The following REEP5 variants were observed in gnomAD, a reference collection of about 807,000 sequenced individuals.
The protein encoded by REEP5 is receptor accessory protein 5.
A neutral mutation model predicts 22.4 loss-of-function variants in REEP5; 24 were observed. The observed-to-expected ratio is 1.07, with a 90% CI of 0.78 to 1.51. The LOEUF is 1.51. Ranked by LOEUF, REEP5 falls within the 40% of genes most tolerant of loss-of-function variation. The pLI is 0.00. For missense variants in REEP5, 252 were observed against 233.0 expected, an observed-to-expected ratio of 1.08 and a Z score of -0.53; for synonymous variants, 103 against 88.6, an observed-to-expected ratio of 1.16 and a Z score of -0.92.
intron 3 of REEP5, among the ~76,000 whole-genome samples, chr5:112,900,381 T>C (rs898481717): frequency 2.0e-5 from 3 of 152,232 alleles, no homozygotes; most frequent in Non-Finnish European, 4.4e-5. Flanking sequence ...ACTTTTGTAT[T>C]TTGTCTTGCT....
At chr5:112,881,527 T>C (rs1359884684) in intron 4 of REEP5, among the ~76,000 whole-genome samples, 5 of 152,216 alleles carry the variant, frequency 3.3e-5, no homozygotes, top group African/African-American at 1.2e-4. Flanking sequence ...GAAAGCTGGC[T>C]GTGCCCTGAG....
At chr5:112,886,028 G>A (rs1157401127) in intron 4 of REEP5, among the ~76,000 whole-genome samples, 1 of 152,172 alleles carries the variant, frequency 6.6e-6, no homozygotes, top group Non-Finnish European at 1.5e-5. Context: ...CAGCGACATG[G>A]CCTCTCCACT....
chr5:112,912,695 T>C (rs868453078), intron 2 of REEP5, among the ~76,000 whole-genome samples: 16 of 152,224 alleles, frequency 1.1e-4, no homozygotes, highest in Non-Finnish European at 2.4e-4. Flanking sequence ...ACACATAACT[T>C]GACCATCCTC....
chr5:112,904,307 A>T (rs1768908618), intron 2 of REEP5, among the ~76,000 whole-genome samples: 1 of 152,242 alleles, frequency 6.6e-6, no homozygotes. Context: ...AACACAGTAT[A>T]TCCTTTATGT....
At chr5:112,917,673 T>A (rs536093748) in intron 2 of REEP5, among the ~76,000 whole-genome samples, 8 of 152,302 alleles carry the variant, frequency 5.3e-5, no homozygotes, top group African/African-American at 1.9e-4. Context: ...TACTCACATA[T>A]GAGGGTGCAG....
chr5:112,899,616 G>A (rs1056649028), intron 3 of REEP5, among the ~76,000 whole-genome samples: 2 of 152,078 alleles, frequency 1.3e-5, no homozygotes, highest in Non-Finnish European at 2.9e-5. Flanking sequence ...ATTATATACA[G>A]TTGACAACAA....
intron 3 of REEP5, chr5:112,897,222 A>G (rs1433064229): frequency 6.6e-6 from 1 of 152,158 alleles, no homozygotes; most frequent in Non-Finnish European, 1.5e-5. Flanking sequence ...ATATATACAC[A>G]TACACACAGA....
intron 2 of REEP5, among the ~76,000 whole-genome samples, chr5:112,920,705 G>A (rs1421910556): frequency 6.6e-6 from 1 of 152,116 alleles, no homozygotes; most frequent in Non-Finnish European, 1.5e-5. Context: ...AAAAGAAAAT[G>A]AGAAAATTCT....
Position 112,889,520 on chromosome 5 carries a change from C to T in REEP5, c.352-2337G>A, listed in dbSNP as rs543731002. On this transcript the variant is annotated intron_variant, in intron 3 of 4. Transcript: ENST00000379638. ...TGAACTTGTATATACCTTTGAAATA[C>T]GTAAATTATATCTAACTTTGCATAT... Among the ~76,000 whole-genome samples the T allele has an allele frequency of 5.1e-4, 77 of 150,526 alleles. 6 individuals carry two copies. The highest frequency in any genetic ancestry group is 1.6e-3 in the African/African-American group (66 of 40,488).
At chr5:112,879,712 G>A (rs185275181) in intron 4 of REEP5, among the ~76,000 whole-genome samples, 312 of 151,978 alleles carry the variant, frequency 2.1e-3, no homozygotes, top group Middle Eastern at 3.4e-3. Context: ...TCCTGACCTC[G>A]TGATCTGCCC....
intron 2 of REEP5, among the ~76,000 whole-genome samples, chr5:112,908,097 T>C (rs1768997426): frequency 6.8e-6 from 1 of 146,130 alleles, no homozygotes; most frequent in African/African-American, 2.6e-5. Flanking sequence ...TTTCTTTGTT[T>C]TTTGTTTTTT....
At chr5:112,891,705 A>C (rs1239770951) in intron 3 of REEP5, 1 of 1,614,144 alleles carries the variant, frequency 6.2e-7, no homozygotes, top group South Asian at 1.1e-5. Context: ...CAAGCCACAA[A>C]AAGTACAGGG....
intron 2 of REEP5, among the ~76,000 whole-genome samples, chr5:112,912,057 T>G (rs189228103): frequency 6.6e-6 from 1 of 152,324 alleles, no homozygotes; most frequent in East Asian, 1.9e-4. Flanking sequence ...CTAACTCCCC[T>G]TAATTGAGCA....
intron 3 of REEP5, chr5:112,894,807 G>T (rs567813553): frequency 6.6e-6 from 1 of 152,240 alleles, no homozygotes; most frequent in Admixed American, 6.5e-5. Flanking sequence ...TAAAATAGTG[G>T]AAAATAAGCT....
intron 2 of REEP5, among the ~76,000 whole-genome samples, chr5:112,914,669 A>G (rs533888050): frequency 1.3e-5 from 2 of 152,302 alleles, no homozygotes; most frequent in Admixed American, 6.5e-5. Flanking sequence ...AAGTAACCTC[A>G]CAACTTAGAA....
chr5:112,915,140 T>A (rs1769203222), intron 2 of REEP5, among the ~76,000 whole-genome samples: 1 of 151,746 alleles, frequency 6.6e-6, no homozygotes, highest in African/African-American at 2.4e-5. Flanking sequence ...GAAGTCCAGG[T>A]CAGAAGGAGA....
In REEP5 at chr5:112,878,852, A is replaced by T. The variant is rs1439203844; in HGVS notation, c.521-17T>A. 2.5e-6 allele frequency: 4 copies of T among 1,613,728 alleles called. No individual in the cohort carries two copies. The African/African-American group carries it at 5.3e-5, about 22-fold the overall frequency. On this transcript the variant is annotated splice_polypyrimidine_tract_variant and intron_variant, in intron 4 of 4. Coordinates refer to ENST00000379638, the MANE Select transcript of REEP5 (RefSeq NM_005669.5). ...CTTTCTTCGCTGTTTGTTTGTTAGG[A>T]GGGAAAGAAAAATATATCAAAGCTC... is the stretch of plus-strand genomic sequence containing the variant.
At chr5:112,896,992 T>C (rs1768699852) in intron 3 of REEP5, 1 of 152,186 alleles carries the variant, frequency 6.6e-6, no homozygotes, top group Admixed American at 6.5e-5. Flanking sequence ...ACAAAGATAT[T>C]AATTGCAGCA....
At chr5:112,906,928 G>A (rs1309895372) in intron 2 of REEP5, among the ~76,000 whole-genome samples, 1 of 152,160 alleles carries the variant, frequency 6.6e-6, no homozygotes, top group Admixed American at 6.5e-5. Context: ...TAATGAGTGA[G>A]AGGCCAAAAG....
Sources: allele counts gnomAD v4.1 joint callset (sites outside exome capture counted in the v4.1 genomes callset), GRCh38; gene constraint gnomAD v4.1.1; transcripts MANE v1.5; gene names NCBI Gene and HGNC (gene_info 2026-07-23, HGNC 2026-07-21).